CFAP299: variants seen among roughly 807,000 people sequenced by gnomAD.
CFAP299 encodes cilia- and flagella-associated protein 299.
CFAP299 carries 21 observed loss-of-function variants against 27.0 expected under a neutral mutation model. The observed-to-expected ratio is 0.78, with a 90% confidence interval of 0.55 to 1.12. CFAP299 has a LOEUF of 1.12. Among genes scored for constraint, CFAP299 ranks in the 50% most tolerant of loss-of-function variants. The pLI, the probability that CFAP299 is intolerant of heterozygous loss-of-function variation, is 0.00. For synonymous variants in CFAP299, 104 were observed against 98.1 expected, an observed-to-expected ratio of 1.06 and a Z score of -0.36; for missense variants, 310 against 276.6, an observed-to-expected ratio of 1.12 and a Z score of -0.86.
chr4:80,462,442 G>A (rs1729484618), intron 2 of CFAP299, among the ~76,000 whole-genome samples: 1 of 152,100 alleles, frequency 6.6e-6, no homozygotes, highest in Admixed American at 6.6e-5. Flanking sequence ...CAAAGACTTT[G>A]TAGTTAATAA....
At chr4:80,752,466 T>C (rs943439517) in intron 3 of CFAP299, among the ~76,000 whole-genome samples, 6 of 147,954 alleles carry the variant, frequency 4.1e-5, no homozygotes, top group Non-Finnish European at 7.4e-5. Flanking sequence ...AAATACAATA[T>C]ATATATTTCA....
intron 3 of CFAP299, among the ~76,000 whole-genome samples, chr4:80,863,017 G>A (rs918409946): frequency 6.6e-6 from 1 of 152,084 alleles, no homozygotes; most frequent in African/African-American, 2.4e-5. Flanking sequence ...TAAAATTAAT[G>A]ATTCATTAGC....
chr4:80,594,658 T>C (rs1412645252), intron 3 of CFAP299, among the ~76,000 whole-genome samples: 1 of 152,186 alleles, frequency 6.6e-6, no homozygotes, highest in Non-Finnish European at 1.5e-5. Flanking sequence ...CTGAGAAAAC[T>C]AGAACTGTTG....
At chr4:80,417,211 T>G (rs1031301486) in intron 2 of CFAP299, among the ~76,000 whole-genome samples, 1 of 152,210 alleles carries the variant, frequency 6.6e-6, no homozygotes, top group Non-Finnish European at 1.5e-5. Flanking sequence ...ATTTCTAGCA[T>G]GCTAATACAT....
chr4:80,680,428 C>T (rs1719766076), intron 3 of CFAP299, among the ~76,000 whole-genome samples: 1 of 151,946 alleles, frequency 6.6e-6, no homozygotes, highest in Non-Finnish European at 1.5e-5. Flanking sequence ...CTGGATATTT[C>T]CTTAGAACTT....
intron 3 of CFAP299, among the ~76,000 whole-genome samples, chr4:80,643,247 G>C (rs936340501): frequency 6.6e-6 from 1 of 152,180 alleles, no homozygotes; most frequent in Admixed American, 6.5e-5. Context: ...CATACATTTG[G>C]CTAGATGGAA....
intron 3 of CFAP299, among the ~76,000 whole-genome samples, chr4:80,666,624 A>G (rs536796059): frequency 6.6e-6 from 1 of 152,316 alleles, no homozygotes; most frequent in Admixed American, 6.5e-5. Flanking sequence ...TTCAATACCT[A>G]TAGCAGATTG....
rs964525278 is a variant in CFAP299 at position 80,687,316 on chromosome 4, GT to G, written c.333+104142del. 4.0e-4 allele frequency among the ~76,000 whole-genome samples: 60 copies of G among 151,656 alleles called. 1 individual carries two copies. Among genetic ancestry groups the G allele is most frequent in the African/African-American group, 1.3e-3 (53 of 41,378 alleles). ...TCTCCTCAGCCTTAGAACTCTTGAA[GT>G]TTTTTTTTATAGTATCTCAGAATTT... On this transcript the variant is annotated intron_variant, in intron 3 of 5. Transcript: ENST00000358105.
intron 3 of CFAP299, among the ~76,000 whole-genome samples, chr4:80,743,413 T>A (rs1019975176): frequency 2.6e-5 from 4 of 152,138 alleles, no homozygotes; most frequent in African/African-American, 9.7e-5. Context: ...ATATGATTTG[T>A]GGTTAGCTTT....
intron 3 of CFAP299, among the ~76,000 whole-genome samples, chr4:80,604,166 A>G (rs1737513089): frequency 6.6e-6 from 1 of 152,186 alleles, no homozygotes; most frequent in African/African-American, 2.4e-5. Context: ...AAAGCCTTAT[A>G]ACAGAAACAC....
At chr4:80,401,698 C>A (rs1170919709) in intron 2 of CFAP299, among the ~76,000 whole-genome samples, 1 of 152,204 alleles carries the variant, frequency 6.6e-6, no homozygotes, top group African/African-American at 2.4e-5. Context: ...CCTCCCCAAG[C>A]AGAGTCCCTA....
chr4:80,495,427 A>T (rs1731385490), intron 2 of CFAP299, among the ~76,000 whole-genome samples: 1 of 152,180 alleles, frequency 6.6e-6, no homozygotes, highest in Non-Finnish European at 1.5e-5. Flanking sequence ...AATTATATGT[A>T]CCCATTTTCT....
chr4:80,334,709 A>G (rs543079622), upstream of CFAP299, among the ~76,000 whole-genome samples: 1 of 152,372 alleles, frequency 6.6e-6, no homozygotes, highest in South Asian at 2.1e-4. Flanking sequence ...AAACAAAAAA[A>G]CAAGTTAGTA....
In CFAP299 at chr4:80,649,622, T is replaced by C. The variant is rs143989364; in HGVS notation, c.333+66439T>C. On this transcript the variant is annotated intron_variant, in intron 3 of 5. Coordinates refer to ENST00000358105, the MANE Select transcript of CFAP299 (RefSeq NM_152770.3). ...CATTAGTTGCAGTTATTTTTAGAAATTGCATCATTAGATTGGTATCTTGAA... is the reference window on the plus strand; with the variant it reads ...CATTAGTTGCAGTTATTTTTAGAAACTGCATCATTAGATTGGTATCTTGAA... 4.0e-3 allele frequency among the ~76,000 whole-genome samples: 603 copies of C among 152,208 alleles called. 3 individuals are homozygous for C. The highest frequency in any genetic ancestry group is 0.013 in the African/African-American group (528 of 41,562).
At chr4:80,626,885 G>A (rs1207025196) in intron 3 of CFAP299, among the ~76,000 whole-genome samples, 2 of 151,594 alleles carry the variant, frequency 1.3e-5, no homozygotes, top group Non-Finnish European at 3.0e-5. Flanking sequence ...GGGACATGGT[G>A]ACATCACTGC....
At chr4:80,713,466 A>G (rs959244495) in intron 3 of CFAP299, among the ~76,000 whole-genome samples, 6 of 152,242 alleles carry the variant, frequency 3.9e-5, no homozygotes, top group Non-Finnish European at 8.8e-5. Flanking sequence ...ATTGCTTTCT[A>G]TAATGTGGGA....
chr4:80,688,378 G>C (rs1188341064), intron 3 of CFAP299, among the ~76,000 whole-genome samples: 2 of 149,066 alleles, frequency 1.3e-5, no homozygotes, highest in South Asian at 2.2e-4. Context: ...GTGGGTCCCT[G>C]ACCCCTGACC....
At chr4:80,885,756 G>T (rs1316273085) in intron 4 of CFAP299, among the ~76,000 whole-genome samples, 2 of 152,216 alleles carry the variant, frequency 1.3e-5, no homozygotes, top group African/African-American at 4.8e-5. Context: ...GCACTGAGAA[G>T]TTCTGACTTC....
chr4:80,436,455 T>C (rs1001694024), intron 2 of CFAP299, among the ~76,000 whole-genome samples: 1 of 152,050 alleles, frequency 6.6e-6, no homozygotes, highest in African/African-American at 2.4e-5. Context: ...CCCATCACCA[T>C]GCCCGGCTAA....
Sources: gnomAD v4.1 joint callset for allele counts (sites outside exome capture counted in the v4.1 genomes callset) on GRCh38, gnomAD v4.1.1 for gene constraint, MANE v1.5 for transcripts, NCBI Gene and HGNC (gene_info 2026-07-23, HGNC 2026-07-21) for gene names.